Variants in CUX1 observed in about 807,000 individuals in gnomAD.
The protein encoded by CUX1 is protein CASP.
A neutral mutation model predicts 158.8 loss-of-function variants in CUX1; 31 were observed. The ratio of observed to expected loss-of-function variants is 0.20; its 90% CI spans 0.15 to 0.26. The LOEUF (loss-of-function observed/expected upper bound fraction) is 0.26, where lower values mean the gene tolerates loss of function less well. CUX1 is among the 10% of genes least tolerant of loss of function. CUX1 has a pLI of 1.00. For synonymous variants in CUX1, 879 were observed against 862.1 expected, an observed-to-expected ratio of 1.02 and a Z score of -0.34; for missense variants, 1,589 against 2,014.6, an observed-to-expected ratio of 0.79 and a Z score of 4.04.
chr7:101,825,348 A>G (rs1461280244), intron 1 of CUX1, among the ~76,000 whole-genome samples: 1 of 152,228 alleles, frequency 6.6e-6, no homozygotes, highest in Non-Finnish European at 1.5e-5. Flanking sequence ...CTTACACAGT[A>G]ACGCATGCTG....
At chr7:101,947,624 TAAAGA>T (rs1808557509) in intron 2 of CUX1, among the ~76,000 whole-genome samples, 3 of 152,022 alleles carry the variant, frequency 2.0e-5, no homozygotes, top group Admixed American at 2.0e-4. Flanking sequence ...TCTCTAAAAT[TAAAGA>T]AAAGAAAGAT....
chr7:102,026,537 A>G (rs551092789), intron 2 of CUX1, among the ~76,000 whole-genome samples: 3 of 151,810 alleles, frequency 2.0e-5, no homozygotes, highest in South Asian at 4.2e-4. Context: ...ACTAAAATGT[A>G]GGCCTAGCCC....
At chr7:102,039,778 A>G (rs1821857509) in intron 3 of CUX1, among the ~76,000 whole-genome samples, 1 of 151,808 alleles carries the variant, frequency 6.6e-6, no homozygotes, top group African/African-American at 2.4e-5. Flanking sequence ...AGCTTGGTGC[A>G]TTGTCTCGTG....
intron 2 of CUX1, among the ~76,000 whole-genome samples, chr7:101,933,945 A>G (rs1179590633): frequency 1.3e-5 from 2 of 152,218 alleles, no homozygotes; most frequent in Non-Finnish European, 2.9e-5. Flanking sequence ...CGATGTTTGG[A>G]TATTTTAAAA....
Position 102,250,052 on chromosome 7 carries a change from GAAAAAAAAAGAAA to G in CUX1, c.*1025_*1037del, listed in dbSNP as rs1182939072. 2.5e-5 allele frequency: 23 copies of G among 918,458 alleles called. No individual in the cohort carries two copies. Among genetic ancestry groups the G allele is most frequent in the South Asian group, 2.1e-4 (4 of 19,348 alleles). 56.9% of individuals were successfully genotyped at this position (918,458 alleles called of 1,614,324 possible). On this transcript the variant is annotated 3_prime_UTR_variant, in exon 24 of 24. Transcript: ENST00000292535. Reference sequence around the variant, plus strand: ...CTAGGCCAAATCAGGACAAAAAAAAGAAAAAAAAAGAAAAAAAAAAAAGAAAAGATCCGAATCT... The same window carrying G: ...CTAGGCCAAATCAGGACAAAAAAAAGAAAAAAAAAGAAAAGATCCGAATCT...
chr7:102,233,525 G>A (rs930462815), intron 21 of CUX1, among the ~76,000 whole-genome samples: 5 of 152,176 alleles, frequency 3.3e-5, no homozygotes, highest in Non-Finnish European at 5.9e-5. Flanking sequence ...GGTGACTCAT[G>A]CCTATAATCC....
intron 1 of CUX1, among the ~76,000 whole-genome samples, chr7:101,848,486 G>A (rs577281921): frequency 7.0e-4 from 107 of 152,280 alleles, no homozygotes; most frequent in Admixed American, 1.5e-3. Flanking sequence ...TTCAGATCCA[G>A]ATGGCAAAAG....
intron 2 of CUX1, among the ~76,000 whole-genome samples, chr7:102,022,578 A>G (rs967000306): frequency 1.3e-5 from 2 of 151,454 alleles, no homozygotes; most frequent in African/African-American, 4.9e-5. Flanking sequence ...TGATTGAGCC[A>G]CTGCACTCCA....
At chr7:102,262,361 G>A (rs1259196426), downstream of CUX1, among the ~76,000 whole-genome samples, 1 of 130,634 alleles carries the variant, frequency 7.7e-6, no homozygotes, top group Non-Finnish European at 1.6e-5. Flanking sequence ...TACCTCCACT[G>A]CACTCCAGCC....
intron 11 of CUX1, among the ~76,000 whole-genome samples, chr7:102,183,306 G>T (rs540163555): frequency 6.6e-6 from 1 of 151,640 alleles, no homozygotes; most frequent in Non-Finnish European, 1.5e-5. Flanking sequence ...GAGCCATCGC[G>T]CCCGGCCCCA....
At chr7:101,991,225 T>C in intron 2 of CUX1, among the ~76,000 whole-genome samples, 1 of 152,206 alleles carries the variant, frequency 6.6e-6, no homozygotes. Context: ...ACAAGCAGTG[T>C]TTGAAACGAA....
intron 2 of CUX1, among the ~76,000 whole-genome samples, chr7:102,021,660 C>A (rs6965946): frequency 0.016 from 2,109 of 132,730 alleles, 46 homozygotes; most frequent in African/African-American, 0.056. Context: ...TGGGTTGAAG[C>A]GATTCTCCTG....
chr7:102,021,924 C>T (rs970901456), intron 2 of CUX1, among the ~76,000 whole-genome samples: 1 of 146,028 alleles, frequency 6.8e-6, no homozygotes, highest in African/African-American at 2.8e-5. Flanking sequence ...TCACAGCCTC[C>T]TTCTATGTGT....
chr7:102,123,391 T>C (rs1011684667), intron 8 of CUX1, among the ~76,000 whole-genome samples: 26 of 151,896 alleles, frequency 1.7e-4, no homozygotes, highest in African/African-American at 4.8e-4. Flanking sequence ...GGGCGAATCA[T>C]GAGGTCAGGA....
Position 101,946,919 on chromosome 7 carries a change from G to T in CUX1, c.141+30694G>T, listed in dbSNP as rs200874255. ...GTGGCACCCCTGAACCAGTCTCTCC[G>T]TGAGCTCGGCGGTGAGAAAACAGTG... is the stretch of plus-strand genomic sequence containing the variant. On this transcript the variant is annotated intron_variant, in intron 2 of 23. Coordinates refer to ENST00000292535, the MANE Select transcript of CUX1 (RefSeq NM_181552.4). Among the ~76,000 whole-genome samples, 7 of 152,214 alleles carry T rather than the reference G, an allele frequency of 4.6e-5. No individual in the cohort carries two copies. In the East Asian group the frequency reaches 1.2e-3, roughly 25 times the overall value.
intron 20 of CUX1, 130 bp downstream of exon 20, chr7:102,205,300 A>G: frequency 4.3e-6 from 3 of 694,494 alleles, no homozygotes; most frequent in Non-Finnish European, 7.8e-6. Context: ...GAAATATGGC[A>G]TCCTATCTGC....
downstream of CUX1, among the ~76,000 whole-genome samples, chr7:102,258,704 C>A (rs190468597): frequency 5.3e-5 from 8 of 152,340 alleles, no homozygotes; most frequent in East Asian, 1.5e-3. Context: ...TACGGCCAGT[C>A]TCCTCTGCCG....
At chr7:101,949,147 T>C (rs1286058047) in intron 2 of CUX1, among the ~76,000 whole-genome samples, 1 of 152,154 alleles carries the variant, frequency 6.6e-6, no homozygotes, top group East Asian at 1.9e-4. Context: ...TTATTATTAT[T>C]TTGAGACAGA....
intron 2 of CUX1, among the ~76,000 whole-genome samples, chr7:101,982,489 T>C (rs1813565372): frequency 6.6e-6 from 1 of 152,102 alleles, no homozygotes; most frequent in Non-Finnish European, 1.5e-5. Context: ...TACTGTGTTG[T>C]GATCTTGGCT....
Sources: gnomAD v4.1 joint callset for allele counts (sites outside exome capture counted in the v4.1 genomes callset) on GRCh38, gnomAD v4.1.1 for gene constraint, MANE v1.5 for transcripts, NCBI Gene and HGNC (gene_info 2026-07-23, HGNC 2026-07-21) for gene names.